Variants in PKP2 observed in about 807,000 individuals in gnomAD.
PKP2 encodes the protein plakophilin-2.
A neutral mutation model predicts 83.4 loss-of-function variants in PKP2; 73 were observed. The observed-to-expected ratio is 0.88, with a 90% CI of 0.72 to 1.06. The LOEUF is 1.06. PKP2 is among the 50% of genes least tolerant of loss of function. PKP2 has a pLI of 0.00. For synonymous variants in PKP2, 409 were observed against 430.4 expected (o/e 0.95, Z 0.62); for missense variants, 966 against 1,065.4 (o/e 0.91, Z 1.30).
intron 10 of PKP2, among the ~76,000 whole-genome samples, chr12:32,801,853 TCA>T (rs1382386967): frequency 2.0e-5 from 3 of 152,126 alleles, no homozygotes; most frequent in Admixed American, 6.6e-5. Context: ...ATATGTCTCA[TCA>T]CAGTTACTCA....
At chr12:32,821,592 T>G in intron 8 of PKP2, 63 bp from the exon 9 acceptor site, 1 of 1,512,518 alleles carries the variant, frequency 6.6e-7, no homozygotes, top group Admixed American at 1.7e-5. Flanking sequence ...AATTTCACAC[T>G]CAAACCAGGA....
chr12:32,893,551 G>T (rs963328716), intron 1 of PKP2: 3 of 152,178 alleles, frequency 2.0e-5, no homozygotes, highest in African/African-American at 4.8e-5. Context: ...TTAGAAAGCT[G>T]AGGCTTTAAA....
chr12:32,814,189 C>G (rs140202063), intron 9 of PKP2, among the ~76,000 whole-genome samples: 104 of 152,306 alleles, frequency 6.8e-4, no homozygotes, highest in African/African-American at 2.5e-3. Context: ...TATCACCCCC[C>G]ACAGCATTTT....
intron 6 of PKP2, among the ~76,000 whole-genome samples, chr12:32,837,574 G>A (rs1310902415): frequency 6.6e-6 from 1 of 152,150 alleles, no homozygotes; most frequent in East Asian, 1.9e-4. Flanking sequence ...CCCAGATTTT[G>A]GCTATATTCT....
In PKP2 at chr12:32,873,168, TG is replaced by T. The variant is rs748984388; in HGVS notation, c.1035-4107del. ...AGGCTGGAGTGCAGTGTCACGATCA[TG>T]GCTGACTGCAGCCTGGACCTCCCAG... On this transcript the variant is annotated intron_variant, in intron 3 of 12. Transcript: ENST00000340811. Among the ~76,000 whole-genome samples the T allele has an allele frequency of 3.3e-5, 5 of 151,942 alleles. No homozygotes were observed. The East Asian group carries it at 9.7e-4, about 30-fold the overall frequency.
At chr12:32,881,997 C>T (rs1048227414) in intron 1 of PKP2, among the ~76,000 whole-genome samples, 18 of 152,138 alleles carry the variant, frequency 1.2e-4, no homozygotes, top group African/African-American at 4.3e-4. Flanking sequence ...GGCCAGAGTA[C>T]CCTCAGCACT....
At chr12:32,804,742 A>G (rs918439491) in intron 9 of PKP2, among the ~76,000 whole-genome samples, 2 of 152,216 alleles carry the variant, frequency 1.3e-5, no homozygotes, top group African/African-American at 2.4e-5. Flanking sequence ...TGCTATTGTG[A>G]ATAGTGCTGC....
rs1956872807 is a variant in PKP2 at position 32,868,924 on chromosome 12, C to T, written c.1170+3G>A. On this transcript the variant is annotated splice_donor_region_variant and intron_variant, in intron 4 of 12. Transcript: ENST00000340811. ...TTTGCAATGGACTGAAGATGACACTCACCCTCTTCCGAGCTTCAGATTTCT... is the reference window on the plus strand; with the variant it reads ...TTTGCAATGGACTGAAGATGACACTTACCCTCTTCCGAGCTTCAGATTTCT... 2 of 1,612,488 alleles carry T rather than the reference C, an allele frequency of 1.2e-6. No homozygotes were observed. The highest frequency in any genetic ancestry group is 1.7e-5 in the Admixed American group (1 of 60,022).
intron 3 of PKP2, among the ~76,000 whole-genome samples, chr12:32,872,723 C>T (rs948401943): frequency 3.3e-5 from 5 of 152,042 alleles, no homozygotes; most frequent in East Asian, 1.9e-4. Flanking sequence ...TATTGTCAGA[C>T]GCTCAGTAAA....
rs187971562 is a variant in PKP2, at chr12:32,798,170, C to T, written c.2168-1872G>A. Reference sequence around the variant, plus strand: ...CACGATCTCATCTCACTGCAACCTCCGCCTCCCAGGTTCAAGCAATTCTCC... The same window carrying T: ...CACGATCTCATCTCACTGCAACCTCTGCCTCCCAGGTTCAAGCAATTCTCC... On this transcript the variant is annotated intron_variant, in intron 10 of 12. Transcript: ENST00000340811. Among the ~76,000 whole-genome samples the T allele has an allele frequency of 8.8e-3, 1,320 of 149,556 alleles. 14 individuals are homozygous for T. The highest frequency in any genetic ancestry group is 0.023 in the African/African-American group (952 of 40,688).
intron 10 of PKP2, among the ~76,000 whole-genome samples, chr12:32,801,444 T>TG (rs1956177702): frequency 6.6e-6 from 1 of 152,194 alleles, no homozygotes; most frequent in Non-Finnish European, 1.5e-5. Flanking sequence ...CTGAGAATGT[T>TG]CCAGGCTTAT....
intron 1 of PKP2, 124 bp downstream of exon 1, chr12:32,896,385 G>T: frequency 1.5e-6 from 1 of 682,114 alleles, no homozygotes; most frequent in Non-Finnish European, 2.3e-6. Context: ...ACCGAAGACG[G>T]CGAGCAACAG....
At chr12:32,799,206 T>A (rs543305397) in intron 10 of PKP2, among the ~76,000 whole-genome samples, 5 of 152,198 alleles carry the variant, frequency 3.3e-5, no homozygotes, top group Admixed American at 2.6e-4. Flanking sequence ...CTAATTATCA[T>A]GGAAATGCAA....
chr12:32,841,326 TG>T, intron 5 of PKP2, 121 bp from the exon 6 acceptor site: 3 of 759,628 alleles, frequency 3.9e-6, no homozygotes, highest in Non-Finnish European at 6.8e-6. Flanking sequence ...TTTGGGGGGT[TG>T]GGGGGCCAGC....
intron 1 of PKP2, 133 bp downstream of exon 1, chr12:32,896,376 C>T (rs1957123640): frequency 1.6e-6 from 1 of 640,946 alleles, no homozygotes; most frequent in Non-Finnish European, 2.5e-6. Flanking sequence ...GTCGGTCATA[C>T]CGAAGACGGC....
At position 32,896,760 on chromosome 12, in the gene PKP2, G is replaced by A. The variant is rs752524692; in HGVS notation, c.-29C>T. The A allele has an allele frequency of 5.6e-6, 7 of 1,242,132 alleles. No homozygotes were observed. Among genetic ancestry groups the A allele is most frequent in the African/African-American group, 1.6e-5 (1 of 63,860 alleles). 76.9% of individuals were successfully genotyped at this position (1,242,132 alleles called of 1,614,324 possible). On this transcript the variant is annotated 5_prime_UTR_variant, in exon 1 of 13. Transcript: ENST00000340811. The stretch of plus-strand genomic sequence containing the variant: ...GCCGGTGGGGGCGACCGAGCTGCTC[G>A]CCTGCCTCTGGACTCGCGGGCGAAG...
At chr12:32,883,063 C>A (rs760205749) in intron 1 of PKP2, among the ~76,000 whole-genome samples, 1 of 152,186 alleles carries the variant, frequency 6.6e-6, no homozygotes, top group Non-Finnish European at 1.5e-5. Context: ...TAGAAGAAAG[C>A]TGCTTCTTCA....
At chr12:32,794,098 G>A (rs1473946184) in intron 11 of PKP2, among the ~76,000 whole-genome samples, 1 of 152,134 alleles carries the variant, frequency 6.6e-6, no homozygotes, top group East Asian at 1.9e-4. Flanking sequence ...GAAGAGCATG[G>A]TGTGTTCCTT....
chr12:32,843,335 C>T (rs200681612), intron 5 of PKP2: 866 of 1,364,208 alleles, frequency 6.3e-4, no homozygotes, highest in Non-Finnish European at 8.3e-4. Flanking sequence ...AAAGAGGAAG[C>T]ATAGGTACTC....
Sources: allele counts gnomAD v4.1 joint callset (sites outside exome capture counted in the v4.1 genomes callset), GRCh38; gene constraint gnomAD v4.1.1; transcripts MANE v1.5; gene names NCBI Gene and HGNC (gene_info 2026-07-23, HGNC 2026-07-21).